The following KCNK9 variants were observed in gnomAD, a reference collection of about 807,000 sequenced individuals.
The protein encoded by KCNK9 is potassium two pore domain channel subfamily K member 9, also known as potassium channel subfamily K member 9.
Under a neutral mutation model 10.8 loss-of-function variants are expected in KCNK9, and 1 was observed. That is an observed-to-expected ratio of 0.09 (90% CI 0.03 to 0.44). The LOEUF is 0.44. KCNK9 is among the 20% of genes least tolerant of loss of function. KCNK9 has a pLI of 0.97. For missense variants in KCNK9, 303 were observed against 515.0 expected (o/e 0.59, Z 3.98); for synonymous variants, 231 against 222.7 (o/e 1.04, Z -0.33).
intron 1 of KCNK9, among the ~76,000 whole-genome samples, chr8:139,627,679 G>A (rs1815019348): frequency 6.6e-6 from 1 of 152,248 alleles, no homozygotes; most frequent in Non-Finnish European, 1.5e-5. Flanking sequence ...TTCACTGTAA[G>A]TGATTAACAC....
intron 1 of KCNK9, among the ~76,000 whole-genome samples, chr8:139,685,939 C>T (rs916588726): frequency 6.6e-6 from 1 of 152,222 alleles, no homozygotes; most frequent in African/African-American, 2.4e-5. Flanking sequence ...TCCTCTCCAG[C>T]ATCTGTTGTT....
chr8:139,664,209 T>A (rs3780040), intron 1 of KCNK9, among the ~76,000 whole-genome samples: 60 of 152,180 alleles, frequency 3.9e-4, no homozygotes, highest in African/African-American at 1.4e-3. Flanking sequence ...CTCTTTCAGG[T>A]CCTTCGTCTC....
At chr8:139,678,454 A>T (rs896789852) in intron 1 of KCNK9, among the ~76,000 whole-genome samples, 19 of 152,226 alleles carry the variant, frequency 1.2e-4, no homozygotes, top group African/African-American at 4.3e-4. Flanking sequence ...GCTCTTGGTC[A>T]GCACCCAGCT....
chr8:139,618,931 T>A lies in KCNK9; in HGVS notation c.452A>T (p.Asn151Ile). 6.2e-7 allele frequency: 1 copy of A among 1,614,216 alleles called. No individual in the cohort carries two copies. The highest frequency in any genetic ancestry group is 8.5e-7 in the Non-Finnish European group (1 of 1,180,034). The change falls in exon 2 of 2, where the codon AAC (asparagine) becomes ATC (isoleucine). Residue 151 changes from asparagine to isoleucine, a missense_variant. Transcript: ENST00000520439. The surrounding 1 kb of genome is among the most constrained non-coding windows in gnomAD (Gnocchi z 7.9). ...CATGTTCTCCATAGACACGTCAGTG[T>A]TGCGCATGCCACAGCACTTCTTAAT... ...KRIKKCCGMR[N>I]TDVSMENMVT...
chr8:139,678,755 C>T (rs1816618424), intron 1 of KCNK9, among the ~76,000 whole-genome samples: 1 of 152,246 alleles, frequency 6.6e-6, no homozygotes, highest in Non-Finnish European at 1.5e-5. Flanking sequence ...GGCTGAAGGC[C>T]ATCACTGGGC....
Position 139,660,061 on chromosome 8 carries a change from G to A in KCNK9, c.284-40962C>T, listed in dbSNP as rs147432676. On this transcript the variant is annotated intron_variant, in intron 1 of 1. Coordinates refer to ENST00000520439, the MANE Select transcript of KCNK9 (RefSeq NM_001282534.2). ...TCATATTCTGTCTTCACAGAAGAAC[G>A]ATGTAGATGTGTTGCCTATTCAGTA... Among the ~76,000 whole-genome samples, 144 of 152,272 alleles carry A rather than the reference G, an allele frequency of 9.5e-4. 1 individual carries two copies. Among genetic ancestry groups the A allele is most frequent in the African/African-American group, 3.2e-3 (135 of 41,542 alleles).
intron 1 of KCNK9, among the ~76,000 whole-genome samples, chr8:139,672,558 C>T (rs966268157): frequency 5.3e-5 from 8 of 152,338 alleles, no homozygotes; most frequent in Middle Eastern, 3.4e-3. Flanking sequence ...AAAATAGACT[C>T]CAATACACAA....
At chr8:139,604,542 G>A (rs1187101063) in intron 2 of KCNK9, among the ~76,000 whole-genome samples, 2 of 152,198 alleles carry the variant, frequency 1.3e-5, no homozygotes, top group Non-Finnish European at 2.9e-5. Flanking sequence ...TGACCGGTAG[G>A]AAAGACCTGG....
At chr8:139,664,097 C>G (rs1816237597) in intron 1 of KCNK9, among the ~76,000 whole-genome samples, 1 of 152,160 alleles carries the variant, frequency 6.6e-6, no homozygotes, top group African/African-American at 2.4e-5. Context: ...AGATTTGAAC[C>G]CAGCCACAGC....
chr8:139,608,878 C>T (rs980840588), downstream of KCNK9, among the ~76,000 whole-genome samples: 1 of 152,140 alleles, frequency 6.6e-6, no homozygotes, highest in Admixed American at 6.5e-5. Context: ...TGGTGCTGAG[C>T]CCAGAGCTGG....
intron 1 of KCNK9, among the ~76,000 whole-genome samples, chr8:139,664,755 C>T (rs1292257579): frequency 2.0e-5 from 3 of 152,198 alleles, no homozygotes; most frequent in Admixed American, 6.5e-5. Flanking sequence ...CAGGGTCTTG[C>T]CCAGTTCTCC....
chr8:139,692,559 C>A (rs994244767), intron 1 of KCNK9, among the ~76,000 whole-genome samples: 1 of 152,206 alleles, frequency 6.6e-6, no homozygotes, highest in Admixed American at 6.5e-5. Flanking sequence ...CCCAGACAGA[C>A]ACCAGACCAA....
rs765326608 is a variant in KCNK9 at position 139,618,520 on chromosome 8, G to A, written c.863C>T (p.Ala288Val). 32 of 1,613,442 alleles carry A rather than the reference G, an allele frequency of 2.0e-5. No individual in the cohort carries two copies. The highest frequency in any genetic ancestry group is 7.7e-5 in the South Asian group (7 of 91,080). Residue 288 changes from alanine to valine, a missense_variant, in exon 2 of 2, where the codon GCG (alanine) becomes GTG (valine). By Grantham distance (64) the Ala-to-Val change is moderately conservative. Around this residue, in one of 5 missense-constraint regions of KCNK9, gnomAD observed 138 missense variants for 161.1 expected, o/e 0.86. Transcript: ENST00000520439. The surrounding 1 kb of genome is among the most constrained non-coding windows in gnomAD (Gnocchi z 7.9). ...EPRPSRPRYK[A>V]DVPDLQSVCS... is the part of the protein sequence containing the mutation. ...CACAGACTGCAGGTCCGGGACGTCC[G>A]CCTTGTACCTGGGCCGGCTGGGCCG...
chr8:139,701,051 T>A (rs1817206955), intron 1 of KCNK9, among the ~76,000 whole-genome samples: 1 of 152,224 alleles, frequency 6.6e-6, no homozygotes, highest in Non-Finnish European at 1.5e-5. Context: ...GGGTGGCCAG[T>A]TTCAGAGGCA....
chr8:139,606,156 G>T (rs1286550072), intron 2 of KCNK9, among the ~76,000 whole-genome samples: 4 of 152,186 alleles, frequency 2.6e-5, no homozygotes, highest in Non-Finnish European at 5.9e-5. Context: ...AGGGAGGAAG[G>T]TGGGTCCTGG....
chr8:139,690,142 C>T (rs1356544058), intron 1 of KCNK9, among the ~76,000 whole-genome samples: 1 of 152,118 alleles, frequency 6.6e-6, no homozygotes, highest in African/African-American at 2.4e-5. Context: ...GGTGAAAAGA[C>T]ACTGTATGTA....
chr8:139,679,445 G>A (rs978236549), intron 1 of KCNK9, among the ~76,000 whole-genome samples: 2 of 152,220 alleles, frequency 1.3e-5, no homozygotes, highest in African/African-American at 4.8e-5. Flanking sequence ...TTGTTACAAG[G>A]GAAACCCAGA....
intron 1 of KCNK9, among the ~76,000 whole-genome samples, chr8:139,671,057 G>A (rs1158558957): frequency 4.6e-5 from 7 of 152,112 alleles, no homozygotes; most frequent in Non-Finnish European, 7.4e-5. Context: ...TCCTTCCCTC[G>A]CTCCTTCCTG....
intron 1 of KCNK9, among the ~76,000 whole-genome samples, chr8:139,688,612 G>A (rs766211654): frequency 4.6e-5 from 7 of 152,130 alleles, no homozygotes; most frequent in Non-Finnish European, 8.8e-5. Context: ...AATTTGGGTG[G>A]GGACACAGAG....
Sources: allele counts gnomAD v4.1 joint callset (sites outside exome capture counted in the v4.1 genomes callset), GRCh38; gene constraint gnomAD v4.1.1; regional missense constraint gnomAD v4.1.1; non-coding constraint Gnocchi (gnomAD v3.1); transcripts MANE v1.5; gene names NCBI Gene and HGNC (gene_info 2026-07-23, HGNC 2026-07-21).